MAP3K5: variants seen among roughly 807,000 people sequenced by gnomAD.
MAP3K5 encodes the protein mitogen-activated protein kinase kinase kinase 5.
MAP3K5 carries 56 observed loss-of-function variants against 158.7 expected under a neutral mutation model. That is an observed-to-expected ratio of 0.35 (90% confidence interval 0.28 to 0.44). The LOEUF (loss-of-function observed/expected upper bound fraction) is 0.44, where lower values mean the gene tolerates loss of function less well. Ranked by LOEUF, MAP3K5 falls within the 20% of genes least tolerant of loss-of-function variation. The pLI, the probability that MAP3K5 is intolerant of heterozygous loss-of-function variation, is 1.00. For missense variants in MAP3K5, 1,294 were observed against 1,674.8 expected (o/e 0.77, Z 3.97); for synonymous variants, 579 against 601.7 (o/e 0.96, Z 0.55).
chr6:136,590,501 G>A (rs1583231729), intron 23 of MAP3K5, among the ~76,000 whole-genome samples: 1 of 151,992 alleles, frequency 6.6e-6, no homozygotes, highest in East Asian at 1.9e-4. Context: ...TTCCTGGTAG[G>A]GGCCACTGTC....
intron 1 of MAP3K5, among the ~76,000 whole-genome samples, chr6:136,779,930 C>A (rs182111780): frequency 6.6e-6 from 1 of 152,224 alleles, no homozygotes; most frequent in African/African-American, 2.4e-5. Context: ...TCAGGGCAAA[C>A]GGCTTCAGAT....
intron 1 of MAP3K5, among the ~76,000 whole-genome samples, chr6:136,754,463 T>C (rs1172591590): frequency 6.6e-6 from 1 of 151,522 alleles, no homozygotes; most frequent in Non-Finnish European, 1.5e-5. Flanking sequence ...TCTATAGTCC[T>C]AGCTACTCGG....
chr6:136,786,563 AC>A (rs2115060413), intron 1 of MAP3K5, among the ~76,000 whole-genome samples: 1 of 152,278 alleles, frequency 6.6e-6, no homozygotes, highest in South Asian at 2.1e-4. Context: ...TCTCTTGTAT[AC>A]GTAAATAAGA....
intron 21 of MAP3K5, among the ~76,000 whole-genome samples, chr6:136,599,557 C>T (rs930368775): frequency 3.3e-5 from 5 of 151,818 alleles, no homozygotes; most frequent in African/African-American, 7.3e-5. Context: ...AAGTTAAATG[C>T]GTGTGTGTGA....
intron 10 of MAP3K5, 181 bp downstream of exon 10, chr6:136,656,126 A>C (rs895179741): frequency 1.8e-6 from 1 of 568,326 alleles, no homozygotes; most frequent in Non-Finnish European, 3.1e-6. Flanking sequence ...CATTTCTCTG[A>C]TTTTGAGAAG....
chr6:136,717,101 C>CA lies in MAP3K5; in HGVS notation c.588+3348dup, dbSNP rs564862844. Among the ~76,000 whole-genome samples the CA allele has an allele frequency of 8.3e-3, 1,076 of 129,074 alleles. 30 individuals are homozygous for CA. In the East Asian group the frequency reaches 0.11, roughly 13 times the overall value. The allele number at this position is 129,074 out of a possible 152,430, so 84.7% of individuals were successfully genotyped here. The stretch of plus-strand genomic sequence containing the variant: ...AGATTGCTCCATTGCACTAAAAAAG[C>CA]AAAAAAAAAAAGAAAAAATCAACTT... On this transcript the variant is annotated intron_variant, in intron 2 of 29. Coordinates refer to ENST00000359015, the MANE Select transcript of MAP3K5 (RefSeq NM_005923.4).
At chr6:136,644,535 G>A (rs925996507) in intron 11 of MAP3K5, among the ~76,000 whole-genome samples, 1 of 152,204 alleles carries the variant, frequency 6.6e-6, no homozygotes, top group African/African-American at 2.4e-5. Context: ...GCCCCAGTTA[G>A]GGCTAGAATA....
intron 2 of MAP3K5, 88 bp downstream of exon 2, chr6:136,720,362 T>A: frequency 8.0e-7 from 1 of 1,242,384 alleles, no homozygotes; most frequent in Non-Finnish European, 1.1e-6. Context: ...CTTTCACAAA[T>A]AAAAGCTACT....
Position 136,694,104 on chromosome 6 carries a change from CTAAG to C in MAP3K5, c.1253+32_1253+35del, listed in dbSNP as rs67711276. 3.0e-3 allele frequency: 4,598 copies of C among 1,535,348 alleles called. 73 individuals carry two copies. In the East Asian group the frequency reaches 0.031, roughly 11 times the overall value. On this transcript the variant is annotated intron_variant, in intron 7 of 29. Coordinates refer to ENST00000359015, the MANE Select transcript of MAP3K5 (RefSeq NM_005923.4). ...AATACTTTTTTATGCCATGGATTTA[CTAAG>C]TAAGTAGCTCATTTATATACTATTT...
intron 7 of MAP3K5, among the ~76,000 whole-genome samples, chr6:136,670,652 A>G (rs947973004): frequency 6.6e-6 from 1 of 152,144 alleles, no homozygotes; most frequent in Admixed American, 6.5e-5. Flanking sequence ...TATATACTCA[A>G]AATTTTCCAT....
At chr6:136,781,749 A>T (rs2115040823) in intron 1 of MAP3K5, among the ~76,000 whole-genome samples, 1 of 152,362 alleles carries the variant, frequency 6.6e-6, no homozygotes, top group South Asian at 2.1e-4. Flanking sequence ...ACCCAACTGC[A>T]TAAAATCACC....
At chr6:136,664,051 G>A (rs1489621808) in intron 8 of MAP3K5, among the ~76,000 whole-genome samples, 3 of 152,110 alleles carry the variant, frequency 2.0e-5, no homozygotes, top group African/African-American at 7.2e-5. Context: ...GTTAGGAATG[G>A]GGCCACACAC....
intron 14 of MAP3K5, among the ~76,000 whole-genome samples, chr6:136,624,294 T>C (rs1776939891): frequency 6.6e-6 from 1 of 152,240 alleles, no homozygotes; most frequent in Non-Finnish European, 1.5e-5. Flanking sequence ...GTTTTTATGC[T>C]CTTTAACAAC....
intron 2 of MAP3K5, among the ~76,000 whole-genome samples, chr6:136,719,188 AATAC>A (rs1316896831): frequency 6.6e-6 from 1 of 152,180 alleles, no homozygotes; most frequent in Non-Finnish European, 1.5e-5. Flanking sequence ...TAAATAAATA[AATAC>A]ATACATACAT....
intron 21 of MAP3K5, among the ~76,000 whole-genome samples, chr6:136,599,811 C>T (rs947087218): frequency 1.8e-4 from 28 of 152,114 alleles, no homozygotes; most frequent in African/African-American, 6.5e-4. Flanking sequence ...GAAGTCAGTG[C>T]CCATTTTAGG....
intron 3 of MAP3K5, among the ~76,000 whole-genome samples, chr6:136,701,720 T>C (rs1780862108): frequency 6.6e-6 from 1 of 152,114 alleles, no homozygotes; most frequent in African/African-American, 2.4e-5. Flanking sequence ...TCAAACACTA[T>C]TGTAGACAAG....
At chr6:136,636,719 G>T in intron 14 of MAP3K5, 1 of 591,186 alleles carries the variant, frequency 1.7e-6, no homozygotes, top group Non-Finnish European at 2.1e-6. Context: ...GAGGTGGGAG[G>T]ATTGCTTGAG....
chr6:136,580,406 C>G lies in MAP3K5; in HGVS notation c.3412G>C (p.Val1138Leu). 1 of 1,596,978 alleles carries G rather than the reference C, an allele frequency of 6.3e-7. No homozygotes were observed. ...TTATGATTCCGAAGAACTTTATTGA[C>G]CTGGAGAGAGAGTGACATTTAGCCT... ...QVVLFGFQDA[V>L]NKVLRNHNIK... The change falls in exon 25 of 30, where the codon GTC (valine) becomes CTC (leucine). Residue 1138 changes from valine to leucine, a missense_variant and splice_region_variant. Physicochemically the swap from Val to Leu is conservative, Grantham distance 32. Around this residue, in one of 5 missense-constraint regions of MAP3K5, gnomAD observed 362 missense variants for 463.2 expected, o/e 0.78. Transcript: ENST00000359015.
At position 136,605,193 on chromosome 6, in the gene MAP3K5, A is replaced by G; in HGVS notation, c.2679+16T>C. The G allele has an allele frequency of 6.2e-7, 1 of 1,606,878 alleles. No homozygotes were observed. Among genetic ancestry groups the G allele is most frequent in the Middle Eastern group, 1.7e-4 (1 of 6,008 alleles). The stretch of plus-strand genomic sequence containing the variant: ...AAAGCTTTATCCATTTGTTTTTAAG[A>G]GAAATGAAGTGTGACCTTGAACATA... On this transcript the variant is annotated intron_variant, in intron 19 of 29. Transcript: ENST00000359015.
Sources: allele counts gnomAD v4.1 joint callset (sites outside exome capture counted in the v4.1 genomes callset), GRCh38; gene constraint gnomAD v4.1.1; regional missense constraint gnomAD v4.1.1; transcripts MANE v1.5; gene names NCBI Gene and HGNC (gene_info 2026-07-23, HGNC 2026-07-21).